DLG2: variants seen among roughly 807,000 people sequenced by gnomAD.
The protein encoded by DLG2 is discs large MAGUK scaffold protein 2.
DLG2 carries 45 observed loss-of-function variants against 132.5 expected under a neutral mutation model. The ratio of observed to expected loss-of-function variants is 0.34; its 90% CI spans 0.27 to 0.44. The LOEUF (loss-of-function observed/expected upper bound fraction) is 0.44. Ranked by LOEUF, DLG2 falls within the 20% of genes least tolerant of loss-of-function variation. DLG2 has a pLI of 1.00. For synonymous variants in DLG2, 424 were observed against 419.6 expected (o/e 1.01, Z -0.13); for missense variants, 1,045 against 1,196.9 (o/e 0.87, Z 1.87).
chr11:84,398,201 A>G (rs999610001), intron 7 of DLG2, among the ~76,000 whole-genome samples: 2 of 152,196 alleles, frequency 1.3e-5, no homozygotes, highest in African/African-American at 4.8e-5. Flanking sequence ...AGATGACTGT[A>G]ATGGATTCAT....
chr11:83,871,594 A>G (rs1246749065), intron 16 of DLG2, among the ~76,000 whole-genome samples: 1 of 152,182 alleles, frequency 6.6e-6, no homozygotes, highest in Non-Finnish European at 1.5e-5. Context: ...CCTGTTAAAG[A>G]CCCATTGGCC....
At chr11:83,712,926 A>C (rs1298148187) in intron 18 of DLG2, among the ~76,000 whole-genome samples, 1 of 152,088 alleles carries the variant, frequency 6.6e-6, no homozygotes, top group Admixed American at 6.5e-5. Flanking sequence ...TTACCTATGT[A>C]ATAAACCTGC....
chr11:84,461,719 G>A (rs1465448069), intron 7 of DLG2, among the ~76,000 whole-genome samples: 1 of 150,686 alleles, frequency 6.6e-6, no homozygotes, highest in African/African-American at 2.4e-5. Flanking sequence ...TAACTGGCAG[G>A]GCTTCAGCAC....
intron 11 of DLG2, among the ~76,000 whole-genome samples, chr11:84,007,320 C>T (rs565915461): frequency 1.3e-5 from 2 of 151,744 alleles, no homozygotes; most frequent in African/African-American, 2.4e-5. Flanking sequence ...GTAACAGATG[C>T]TCCCTCATTA....
At chr11:85,209,022 G>T (rs191272374) in intron 4 of DLG2, among the ~76,000 whole-genome samples, 1 of 152,240 alleles carries the variant, frequency 6.6e-6, no homozygotes, top group East Asian at 1.9e-4. Context: ...TGATAATTGA[G>T]AGGTGGCTGT....
chr11:84,868,749 C>T (rs1396893175), intron 6 of DLG2, among the ~76,000 whole-genome samples: 3 of 152,082 alleles, frequency 2.0e-5, no homozygotes, highest in Admixed American at 6.6e-5. Flanking sequence ...AGCGACGTTG[C>T]CAATATCTCA....
chr11:85,058,054 G>A (rs937096780), intron 6 of DLG2, among the ~76,000 whole-genome samples: 1 of 151,226 alleles, frequency 6.6e-6, no homozygotes, highest in East Asian at 1.9e-4. Context: ...CAATACTGGA[G>A]ATTTTAGCCA....
intron 3 of DLG2, among the ~76,000 whole-genome samples, chr11:85,581,313 T>C (rs1384424543): frequency 2.0e-5 from 3 of 152,114 alleles, no homozygotes; most frequent in Non-Finnish European, 4.4e-5. Flanking sequence ...CTTAAATCTC[T>C]TTGAGAACGC....
intron 17 of DLG2, among the ~76,000 whole-genome samples, chr11:83,809,904 T>A (rs940631620): frequency 6.6e-6 from 1 of 152,140 alleles, no homozygotes; most frequent in Non-Finnish European, 1.5e-5. Flanking sequence ...AGAGAATGCA[T>A]CATTGCTAAA....
chr11:85,197,192 G>A (rs1403090340), intron 4 of DLG2, among the ~76,000 whole-genome samples: 1 of 152,064 alleles, frequency 6.6e-6, no homozygotes, highest in East Asian at 1.9e-4. Context: ...ATTGAACTTT[G>A]CCCTTTATAG....
At chr11:85,585,874 C>T (rs181547980) in intron 3 of DLG2, among the ~76,000 whole-genome samples, 17 of 152,138 alleles carry the variant, frequency 1.1e-4, no homozygotes, top group Admixed American at 4.6e-4. Flanking sequence ...CCACAATGCC[C>T]GGCTAATTTT....
intron 6 of DLG2, among the ~76,000 whole-genome samples, chr11:84,596,214 CTCTCTT>C (rs1439929087): frequency 1.3e-5 from 2 of 151,414 alleles, no homozygotes; most frequent in Non-Finnish European, 2.9e-5. Context: ...CTCTCTCTCT[CTCTCTT>C]TCTCTTGACG....
rs555571429 is a variant in DLG2 at position 84,546,990 on chromosome 11, C to A, written c.358-12259G>T. On this transcript the variant is annotated intron_variant, in intron 6 of 27. Transcript: ENST00000376104. ...CCTAAAAGCGCAGATTCTGGAGAGACGGCCTGCATCAATTCCTACTTTGAT... is the reference window on the plus strand; with the variant it reads ...CCTAAAAGCGCAGATTCTGGAGAGAAGGCCTGCATCAATTCCTACTTTGAT... The A allele has an allele frequency of 1.0e-3, 160 of 153,956 alleles. 1 individual carries two copies. In the South Asian group the frequency reaches 0.031, roughly 30 times the overall value. 9.5% of individuals were successfully genotyped at this position (153,956 alleles called of 1,614,324 possible).
Position 85,050,118 on chromosome 11 carries a change from T to TCACACACACACACACACACACA in DLG2, c.357+61521_357+61542dup, listed in dbSNP as rs33991615. ...GGAAGAGAACTGACCCACTGTGTCA[T>TCACACACACACACACACACACA]CACACACACACACACACACACACAC... On this transcript the variant is annotated intron_variant, in intron 6 of 27. Coordinates refer to ENST00000376104, the MANE Select transcript of DLG2 (RefSeq NM_001142699.3). Among the ~76,000 whole-genome samples the TCACACACACACACACACACACA allele has an allele frequency of 2.6e-4, 35 of 136,820 alleles. 2 individuals carry two copies. The highest frequency in any genetic ancestry group is 2.5e-3 in the South Asian group (10 of 3,942). 89.8% of individuals were successfully genotyped at this position (136,820 alleles called of 152,430 possible).
At chr11:84,118,105 C>A (rs536235826) in intron 9 of DLG2, among the ~76,000 whole-genome samples, 1 of 152,250 alleles carries the variant, frequency 6.6e-6, no homozygotes, top group South Asian at 2.1e-4. Flanking sequence ...GATCCACCTG[C>A]GTCGGCCTCC....
intron 5 of DLG2, among the ~76,000 whole-genome samples, chr11:85,122,901 C>T (rs1176342244): frequency 7.2e-6 from 1 of 138,718 alleles, no homozygotes; most frequent in Non-Finnish European, 1.5e-5. Flanking sequence ...CACATATACA[C>T]ACACATATTT....
intron 3 of DLG2, among the ~76,000 whole-genome samples, chr11:85,356,479 T>G (rs2083701342): frequency 6.6e-6 from 1 of 152,186 alleles, no homozygotes; most frequent in Non-Finnish European, 1.5e-5. Flanking sequence ...ATGGAATTAT[T>G]ATGAGACAGA....
chr11:84,211,662 G>A lies in DLG2; in HGVS notation c.573+39576C>T, dbSNP rs72953600. On this transcript the variant is annotated intron_variant, in intron 8 of 27. Transcript: ENST00000376104. ...GTAAAAACAATACTAAAAAATGGAAGACAAAATTTTAATTCAAGATAAAAT... is the reference window on the plus strand; with the variant it reads ...GTAAAAACAATACTAAAAAATGGAAAACAAAATTTTAATTCAAGATAAAAT... Among the ~76,000 whole-genome samples, 712 of 152,214 alleles carry A rather than the reference G, an allele frequency of 4.7e-3. 4 individuals carry two copies. The highest frequency in any genetic ancestry group is 7.5e-3 in the Non-Finnish European group (510 of 68,002).
chr11:85,103,960 C>T (rs182531674), intron 6 of DLG2, among the ~76,000 whole-genome samples: 171 of 151,930 alleles, frequency 1.1e-3, no homozygotes, highest in African/African-American at 3.3e-3. Context: ...CATGAAAACA[C>T]GGTCACATCA....
Sources: gnomAD v4.1 joint callset for allele counts (sites outside exome capture counted in the v4.1 genomes callset) on GRCh38, gnomAD v4.1.1 for gene constraint, MANE v1.5 for transcripts, NCBI Gene and HGNC (gene_info 2026-07-23, HGNC 2026-07-21) for gene names.